FAM149B1: variants seen among roughly 807,000 people sequenced by gnomAD.
FAM149B1 encodes the protein primary cilium assembly protein FAM149B1.
A neutral mutation model predicts 75.3 loss-of-function variants in FAM149B1; 56 were observed. The ratio of observed to expected loss-of-function variants is 0.74; its 90% CI spans 0.60 to 0.93. FAM149B1 has a LOEUF of 0.93. FAM149B1 is among the 40% of genes least tolerant of loss of function. FAM149B1 has a pLI of 0.00. For missense variants in FAM149B1, 639 were observed against 708.4 expected (o/e 0.90, Z 1.11); for synonymous variants, 259 against 256.1 (o/e 1.01, Z -0.11).
At chr10:73,236,605 G>A (rs2043827822) in intron 12 of FAM149B1, among the ~76,000 whole-genome samples, 1 of 151,658 alleles carries the variant, frequency 6.6e-6, no homozygotes, top group Non-Finnish European at 1.5e-5. Context: ...CTAGAGATGG[G>A]GTTTTGCCAT....
intron 7 of FAM149B1, among the ~76,000 whole-genome samples, chr10:73,214,245 TCATAC>T (rs1267362094): frequency 1.3e-5 from 2 of 152,240 alleles, no homozygotes; most frequent in Non-Finnish European, 2.9e-5. Flanking sequence ...AGATATAAGA[TCATAC>T]CATCAGCAAA....
intron 5 of FAM149B1, among the ~76,000 whole-genome samples, chr10:73,203,735 G>C (rs1284877382): frequency 6.6e-6 from 1 of 151,910 alleles, no homozygotes; most frequent in African/African-American, 2.4e-5. Context: ...TGCCTCCAGG[G>C]CTCAAGTGAT....
At chr10:73,189,496 C>T (rs1294948990) in intron 3 of FAM149B1, among the ~76,000 whole-genome samples, 7 of 152,148 alleles carry the variant, frequency 4.6e-5, no homozygotes, top group African/African-American at 1.7e-4. Flanking sequence ...ATAACATAAA[C>T]GTCCCTTAAC....
rs1437092507 is a variant in FAM149B1 at position 73,241,583 on chromosome 10, C to T, written c.*564C>T. 6.5e-6 allele frequency: 1 copy of T among 154,652 alleles called. No individual in the cohort carries two copies. The highest frequency in any genetic ancestry group is 1.4e-5 in the Non-Finnish European group (1 of 69,576). 9.6% of individuals were successfully genotyped at this position (154,652 alleles called of 1,614,324 possible). The stretch of plus-strand genomic sequence containing the variant: ...TGTAACTAAAAACATAAATGTTAAG[C>T]ATTAGTATAAAGTAACTTCTGTAAT... On this transcript the variant is annotated 3_prime_UTR_variant, in exon 14 of 14. Coordinates refer to ENST00000242505, the MANE Select transcript of FAM149B1 (RefSeq NM_173348.2).
In FAM149B1 at chr10:73,198,546, T is replaced by C. The variant is rs571125840; in HGVS notation, c.542+4953T>C. On this transcript the variant is annotated intron_variant, in intron 5 of 13. Coordinates refer to ENST00000242505, the MANE Select transcript of FAM149B1 (RefSeq NM_173348.2). ...CAGGCTGGGCGTGGTGGCTCATGCC[T>C]GTAATCCCAACACTTTGAGAGGCCG... Among the ~76,000 whole-genome samples the C allele has an allele frequency of 3.3e-5, 5 of 152,300 alleles. No individual in the cohort carries two copies. In the South Asian group the frequency reaches 1.0e-3, roughly 32 times the overall value.
intron 5 of FAM149B1, among the ~76,000 whole-genome samples, chr10:73,195,129 A>C (rs184143523): frequency 6.6e-6 from 1 of 152,368 alleles, no homozygotes; most frequent in East Asian, 1.9e-4. Context: ...AATTCATTTA[A>C]AAAATTATTC....
intron 12 of FAM149B1, among the ~76,000 whole-genome samples, chr10:73,237,463 C>T (rs996366076): frequency 5.3e-5 from 8 of 151,986 alleles, no homozygotes; most frequent in African/African-American, 1.9e-4. Context: ...GTCGCCCAGG[C>T]TAGAGTGCTG....
At chr10:73,172,133 A>T (rs1843743264) in intron 1 of FAM149B1, among the ~76,000 whole-genome samples, 1 of 152,174 alleles carries the variant, frequency 6.6e-6, no homozygotes, top group African/African-American at 2.4e-5. Context: ...GGCAGACTAA[A>T]AAATGTCTTA....
chr10:73,181,398 T>C (rs1175323614), intron 3 of FAM149B1, among the ~76,000 whole-genome samples: 1 of 152,230 alleles, frequency 6.6e-6, no homozygotes, highest in African/African-American at 2.4e-5. Context: ...GCTGTAAACT[T>C]CCCTCCTAGT....
chr10:73,218,189 A>T (rs2043337058), intron 7 of FAM149B1, among the ~76,000 whole-genome samples: 1 of 152,196 alleles, frequency 6.6e-6, no homozygotes, highest in Non-Finnish European at 1.5e-5. Context: ...CAATTCTGAA[A>T]TCCAGCTGGG....
At chr10:73,210,161 A>G (rs1417609983) in intron 6 of FAM149B1, 90 bp from the exon 7 acceptor site, 4 of 794,790 alleles carry the variant, frequency 5.0e-6, no homozygotes, top group Non-Finnish European at 5.8e-6. Context: ...CCTCAAATCA[A>G]AGTGAATTTT....
At chr10:73,232,143 A>G (rs914706942) in intron 9 of FAM149B1, among the ~76,000 whole-genome samples, 3 of 152,110 alleles carry the variant, frequency 2.0e-5, no homozygotes, top group East Asian at 3.8e-4. Flanking sequence ...TTATTCTTTC[A>G]CTTCTCTTCC....
At chr10:73,192,720 C>CT (rs1467807054) in intron 4 of FAM149B1, 22 bp downstream of exon 4, 5 of 1,500,056 alleles carry the variant, frequency 3.3e-6, no homozygotes, top group Non-Finnish European at 4.4e-6. Flanking sequence ...CTCCAGTTGA[C>CT]TTGTATTCAT....
At chr10:73,236,126 C>T (rs2043814886) in intron 12 of FAM149B1, among the ~76,000 whole-genome samples, 1 of 152,196 alleles carries the variant, frequency 6.6e-6, no homozygotes, top group South Asian at 2.1e-4. Context: ...GGCTAAAGCA[C>T]TGCAAAGTTT....
At position 73,225,162 on chromosome 10, in the gene FAM149B1, G is replaced by A. The variant is rs545988852; in HGVS notation, c.899-2898G>A. ...CTTCATAATAAACGATTATGTTACT[G>A]GTTTATGTATATACTATATTTTTAT... On this transcript the variant is annotated intron_variant, in intron 7 of 13. Transcript: ENST00000242505. Among the ~76,000 whole-genome samples, 23 of 152,280 alleles carry A rather than the reference G, an allele frequency of 1.5e-4. No individual in the cohort carries two copies. The South Asian group carries it at 4.8e-3, about 32-fold the overall frequency.
chr10:73,229,994 GA>G (rs2043646487), intron 8 of FAM149B1, among the ~76,000 whole-genome samples: 1 of 152,198 alleles, frequency 6.6e-6, no homozygotes, highest in African/African-American at 2.4e-5. Context: ...CACAGGTAGT[GA>G]AAGAGAAGGA....
chr10:73,235,627 C>G, intron 12 of FAM149B1: 2 of 349,014 alleles, frequency 5.7e-6, no homozygotes, highest in South Asian at 7.3e-5. Context: ...TTATGTAATC[C>G]TGTTCTTCTG....
At chr10:73,188,900 A>C (rs943407608) in intron 3 of FAM149B1, among the ~76,000 whole-genome samples, 3 of 152,018 alleles carry the variant, frequency 2.0e-5, no homozygotes, top group African/African-American at 7.2e-5. Flanking sequence ...CCATATTAAA[A>C]AGAAAAAAAA....
Position 73,230,437 on chromosome 10 carries a change from G to A in FAM149B1, c.1039G>A (p.Ala347Thr), listed in dbSNP as rs2043660477. Residue 347 changes from alanine to threonine, a missense_variant, in exon 9 of 14, where the codon GCA (alanine) becomes ACA (threonine). By Grantham distance (58) the Ala-to-Thr change is moderately conservative. Transcript: ENST00000242505. ...CAACACGTAGATGAGTCTCTGTCAA[G>A]CAAGCAGACATCAGCCAAATGTGAA... The part of the protein sequence containing the change: ...ITSNPMSLCQ[A>T]SRHQPNVNDL... 1.3e-6 allele frequency: 2 copies of A among 1,542,340 alleles called. No homozygotes were observed. The highest frequency in any genetic ancestry group is 2.4e-5 in the East Asian group (1 of 40,914).
Sources: gnomAD v4.1 joint callset for allele counts (sites outside exome capture counted in the v4.1 genomes callset) on GRCh38, gnomAD v4.1.1 for gene constraint, MANE v1.5 for transcripts, NCBI Gene and HGNC (gene_info 2026-07-23, HGNC 2026-07-21) for gene names.